The following HIP1 variants were observed in gnomAD, a reference collection of about 807,000 sequenced individuals.
The protein encoded by HIP1 is huntingtin interacting protein 1.
Under a neutral mutation model 147.6 loss-of-function variants are expected in HIP1, and 65 were observed. That is an observed-to-expected ratio of 0.44 (90% confidence interval 0.36 to 0.54). HIP1 has a LOEUF of 0.54. HIP1 is among the 20% of genes least tolerant of loss of function. The pLI, the probability that HIP1 is intolerant of heterozygous loss-of-function variation, is 0.00. For synonymous variants in HIP1, 479 were observed against 504.0 expected, an observed-to-expected ratio of 0.95 and a Z score of 0.67; for missense variants, 1,061 against 1,299.6, an observed-to-expected ratio of 0.82 and a Z score of 2.82.
Position 75,559,765 on chromosome 7 carries a change from C to T in HIP1, c.1342G>A (p.Glu448Lys), listed in dbSNP as rs587702501. The T allele has an allele frequency of 2.1e-5, 32 of 1,555,446 alleles. No individual in the cohort carries two copies. The Admixed American group carries it at 3.2e-4, about 15-fold the overall frequency. ...DELRRQREDT[E>K]KAQRSLSEIE... Reference sequence around the variant, plus strand: ...TCAGACAGGCTCCGCTGAGCCTTCTCGGTGTCCTCCCGCTGCCTCCTGAGC... The same window carrying T: ...TCAGACAGGCTCCGCTGAGCCTTCTTGGTGTCCTCCCGCTGCCTCCTGAGC... Residue 448 changes from glutamate to lysine, a missense_variant, in exon 14 of 31, where the codon GAG becomes AAG. By Grantham distance (56) the Glu-to-Lys change is moderately conservative. Around this residue, in one of 3 missense-constraint regions of HIP1, gnomAD observed 810 missense variants for 946.8 expected, o/e 0.86. Coordinates refer to ENST00000336926, the MANE Select transcript of HIP1 (RefSeq NM_005338.7).
chr7:75,657,329 G>A (rs570068339), intron 1 of HIP1, among the ~76,000 whole-genome samples: 31 of 152,176 alleles, frequency 2.0e-4, no homozygotes, highest in African/African-American at 6.5e-4. Context: ...TCAGGAGTTC[G>A]AGACCAGCCT....
intron 1 of HIP1, among the ~76,000 whole-genome samples, chr7:75,664,558 G>GTGTATGTATACGTATACATACATATA (rs1554514410): frequency 1.1e-3 from 164 of 150,114 alleles, no homozygotes; most frequent in Admixed American, 1.9e-3. Flanking sequence ...ATATATGTAT[G>GTGTATGTATACGTATACATACATATA]TGTATGTATA....
intron 1 of HIP1, among the ~76,000 whole-genome samples, chr7:75,629,914 G>A (rs184600234): frequency 1.4e-3 from 209 of 152,276 alleles, no homozygotes; most frequent in Non-Finnish European, 2.4e-3. Context: ...GGGAGGCCAA[G>A]TTGGGAGGCC....
At chr7:75,599,377 G>A in intron 1 of HIP1, 130 bp from the exon 2 acceptor site, 1 of 714,150 alleles carries the variant, frequency 1.4e-6, no homozygotes. Context: ...CGGGTGGTCG[G>A]TTCCTCTGCA....
intron 2 of HIP1, among the ~76,000 whole-genome samples, chr7:75,595,252 C>CG (rs1796677847): frequency 2.5e-5 from 2 of 80,748 alleles, no homozygotes; most frequent in African/African-American, 8.7e-5. Context: ...TTCTTTCTTT[C>CG]TTCCTTCCTT....
chr7:75,545,897 C>T (rs1164081443), intron 25 of HIP1, among the ~76,000 whole-genome samples: 1 of 152,130 alleles, frequency 6.6e-6, no homozygotes, highest in African/African-American at 2.4e-5. Context: ...GCCGAGATTG[C>T]ACCACTGCAT....
At chr7:75,558,456 G>C (rs182954554) in intron 14 of HIP1, among the ~76,000 whole-genome samples, 1 of 152,056 alleles carries the variant, frequency 6.6e-6, no homozygotes, top group Non-Finnish European at 1.5e-5. Context: ...TCCCACCCCA[G>C]TCTCCTGAGT....
At chr7:75,554,355 A>G (rs782528979) in intron 20 of HIP1, 85 bp downstream of exon 20, 80 of 1,309,992 alleles carry the variant, frequency 6.1e-5, no homozygotes, top group Non-Finnish European at 8.8e-5. Flanking sequence ...ATGCAGAGGG[A>G]CCTGTCACTA....
At chr7:75,639,522 C>A (rs1266009349) in intron 1 of HIP1, among the ~76,000 whole-genome samples, 4 of 151,254 alleles carry the variant, frequency 2.6e-5, no homozygotes, top group Non-Finnish European at 5.9e-5. Context: ...TGGCGGGGAT[C>A]GCCGATCCCG....
intron 1 of HIP1, among the ~76,000 whole-genome samples, chr7:75,712,844 A>C (rs902887543): frequency 1.3e-5 from 2 of 152,100 alleles, no homozygotes; most frequent in Non-Finnish European, 2.9e-5. Flanking sequence ...TCATCCATTC[A>C]TTTATATACT....
chr7:75,644,444 A>C (rs181330251), intron 1 of HIP1, among the ~76,000 whole-genome samples: 1 of 152,102 alleles, frequency 6.6e-6, no homozygotes, highest in East Asian at 1.9e-4. Flanking sequence ...ACAGGTATGC[A>C]CCACCACGCT....
At chr7:75,678,569 C>T (rs1171709888) in intron 1 of HIP1, among the ~76,000 whole-genome samples, 2 of 152,132 alleles carry the variant, frequency 1.3e-5, no homozygotes, top group Non-Finnish European at 2.9e-5. Context: ...GTCTTAAACT[C>T]CTGACCTCAA....
chr7:75,623,058 C>T (rs1395917210), intron 1 of HIP1, among the ~76,000 whole-genome samples: 4 of 151,310 alleles, frequency 2.6e-5, no homozygotes, highest in African/African-American at 4.9e-5. Flanking sequence ...TTTAGCCAGG[C>T]GTGGTGGTGC....
intron 5 of HIP1, among the ~76,000 whole-genome samples, chr7:75,584,538 T>C (rs1796181972): frequency 6.6e-6 from 1 of 152,138 alleles, no homozygotes; most frequent in South Asian, 2.1e-4. Flanking sequence ...GCCAGCTGCA[T>C]CCTCTTCGAC....
At chr7:75,693,856 G>T (rs539339463) in intron 1 of HIP1, among the ~76,000 whole-genome samples, 1 of 151,426 alleles carries the variant, frequency 6.6e-6, no homozygotes, top group African/African-American at 2.4e-5. Context: ...CAATGCTGAT[G>T]ACAAGCAATA....
rs587700685 is a variant in HIP1 at position 75,617,403 on chromosome 7, G to A, written c.121-18156C>T. The stretch of plus-strand genomic sequence containing the variant: ...CACTAATTTTTTATTATTTGTAGAG[G>A]TGAGGATCTCCCTGTGTTGCCCAGG... On this transcript the variant is annotated intron_variant, in intron 1 of 30. Transcript: ENST00000336926. Among the ~76,000 whole-genome samples the A allele has an allele frequency of 7.9e-5, 12 of 151,704 alleles. No homozygotes were observed. The East Asian group carries it at 2.3e-3, about 30-fold the overall frequency.
At chr7:75,559,657 G>T in intron 14 of HIP1, 75 bp downstream of exon 14, 3 of 1,205,216 alleles carry the variant, frequency 2.5e-6, no homozygotes, top group South Asian at 1.5e-5. Flanking sequence ...CCTCTGTGCC[G>T]CATCCTGAGT....
At chr7:75,555,342 C>T in intron 19 of HIP1, 74 bp downstream of exon 19, 1 of 1,572,506 alleles carries the variant, frequency 6.4e-7, no homozygotes, top group South Asian at 1.1e-5. Context: ...CTAAGTCTCA[C>T]ATGAGATTCA....
chr7:75,579,396 A>T (rs1795957875), intron 7 of HIP1, among the ~76,000 whole-genome samples: 1 of 152,058 alleles, frequency 6.6e-6, no homozygotes, highest in South Asian at 2.1e-4. Flanking sequence ...AGTTCAAGCC[A>T]TTCTCCTGCC....
Sources: allele counts gnomAD v4.1 joint callset (sites outside exome capture counted in the v4.1 genomes callset), GRCh38; gene constraint gnomAD v4.1.1; regional missense constraint gnomAD v4.1.1; transcripts MANE v1.5; gene names NCBI Gene and HGNC (gene_info 2026-07-23, HGNC 2026-07-21).